The following HELQ variants were observed in gnomAD, a reference collection of about 807,000 sequenced individuals.
HELQ encodes helicase, POLQ like.
HELQ carries 77 observed loss-of-function variants against 111.6 expected under a neutral mutation model. The ratio of observed to expected loss-of-function variants is 0.69; its 90% confidence interval spans 0.57 to 0.83. The LOEUF is 0.83. Among genes scored for constraint, HELQ ranks in the 40% least tolerant of loss-of-function variants. The probability of loss-of-function intolerance (pLI) is 0.00; values close to 1 mark genes in which losing one functional copy is unlikely to be tolerated. For synonymous variants in HELQ, 438 were observed against 454.7 expected (o/e 0.96, Z 0.47); for missense variants, 1,200 against 1,288.5 (o/e 0.93, Z 1.05).
chr4:83,437,661 C>A lies in HELQ; in HGVS notation c.1809-564G>T, dbSNP rs139615947. Among the ~76,000 whole-genome samples the A allele has an allele frequency of 2.4e-3, 361 of 147,528 alleles. 3 individuals carry two copies. The highest frequency in any genetic ancestry group is 0.012 in the South Asian group (55 of 4,576). ...CTATTTACATAAATACAACACTTTA[C>A]ATATAATTTCAGAGGGTTCGTGGAT... On this transcript the variant is annotated intron_variant, in intron 8 of 17. Transcript: ENST00000295488.
In HELQ at chr4:83,418,203, G is replaced by A; in HGVS notation, c.2953C>T (p.Leu985Phe). 2 of 1,552,728 alleles carry A rather than the reference G, an allele frequency of 1.3e-6. No individual in the cohort carries two copies. Among genetic ancestry groups the A allele is most frequent in the Non-Finnish European group, 1.8e-6 (2 of 1,137,114 alleles). Residue 985 changes from leucine to phenylalanine, a missense_variant, in exon 16 of 18, where the codon CTT becomes TTT. Coordinates refer to ENST00000295488, the MANE Select transcript of HELQ (RefSeq NM_133636.5). ...SSCVLHFCEE[L>F]EEFWVYRALL... ...GCTCTGTAAACCCAAAACTCCTCAA[G>A]CTCCTGTAGAACACAAAGAAATATA...
intron 5 of HELQ, among the ~76,000 whole-genome samples, chr4:83,445,593 TTA>T (rs1450647807): frequency 6.6e-6 from 1 of 152,094 alleles, no homozygotes; most frequent in Non-Finnish European, 1.5e-5. Context: ...ATTATAATAT[TTA>T]TGTTATATGT....
Position 83,425,983 on chromosome 4 carries a change from G to A in HELQ, c.2775+11C>T, listed in dbSNP as rs1553927996. The A allele has an allele frequency of 1.4e-6, 2 of 1,475,660 alleles. No homozygotes were observed. Among genetic ancestry groups the A allele is most frequent in the Admixed American group, 3.6e-5 (2 of 55,732 alleles). 91.4% of individuals were successfully genotyped at this position (1,475,660 alleles called of 1,614,324 possible). On this transcript the variant is annotated intron_variant, in intron 14 of 17. Coordinates refer to ENST00000295488, the MANE Select transcript of HELQ (RefSeq NM_133636.5). The stretch of plus-strand genomic sequence containing the variant: ...AACTTATTATTTAGGAAGAAAAAAA[G>A]AATGTGGTACCTTTCCGATGGCTTG...
At chr4:83,416,650 TG>T (rs1166082076) in intron 17 of HELQ, 80 bp downstream of exon 17, 7 of 1,341,378 alleles carry the variant, frequency 5.2e-6, no homozygotes, top group Admixed American at 2.1e-5. Flanking sequence ...CAATGTGAAA[TG>T]TTTTTGTTCT....
chr4:83,426,126 CA>C, intron 13 of HELQ, 34 bp from the exon 14 acceptor site: 4 of 1,131,370 alleles, frequency 3.5e-6, no homozygotes, highest in Non-Finnish European at 5.3e-6. Flanking sequence ...ATGGAAACAT[CA>C]AAAAATCTGT....
Position 83,448,938 on chromosome 4 carries a change from A to C in HELQ, c.1036T>G (p.Leu346Val). The change falls in exon 3 of 18, where the codon TTG (leucine) becomes GTG (valine). Residue 346 changes from leucine to valine, a missense_variant. Transcript: ENST00000295488. ...TTTTTTCTTTCTTGCACAGAATTCA[A>C]TGTTAAACAAGTATGTTGCCATTCT... ...LYEWQHTCLT[L>V]NSVQERKNLI... The C allele has an allele frequency of 6.2e-7, 1 of 1,604,738 alleles. No individual in the cohort carries two copies. The highest frequency in any genetic ancestry group is 8.5e-7 in the Non-Finnish European group (1 of 1,173,868).
At chr4:83,455,883 T>C, upstream of HELQ, 2 of 769,816 alleles carry the variant, frequency 2.6e-6, no homozygotes, top group Non-Finnish European at 4.3e-6. Flanking sequence ...AAGCCTCACG[T>C]GACCTGCCGC....
intron 15 of HELQ, among the ~76,000 whole-genome samples, chr4:83,420,262 A>G (rs1321669485): frequency 2.0e-5 from 3 of 152,238 alleles, no homozygotes; most frequent in Non-Finnish European, 4.4e-5. Flanking sequence ...AAATTGTTCT[A>G]TAAAATACAC....
chr4:83,431,706 G>A lies in HELQ; in HGVS notation c.2253C>T (p.Thr751=), dbSNP rs772197686. 7 of 1,562,728 alleles carry A rather than the reference G, an allele frequency of 4.5e-6. No homozygotes were observed. The highest frequency in any genetic ancestry group is 6.1e-6 in the Non-Finnish European group (7 of 1,153,316). The change falls in exon 11 of 18, where the codon ACC becomes ACT. Residue 751 remains threonine, a synonymous_variant. Transcript: ENST00000295488. ...NCYSHLVQEF[T]KGIQTLFLSL... ...AGAGAAATAATGTTTGGATTCCCTTGGTGAATTCCTGAACAAGATGGCTGT... is the reference window on the plus strand; with the variant it reads ...AGAGAAATAATGTTTGGATTCCCTTAGTGAATTCCTGAACAAGATGGCTGT...
At chr4:83,427,443 C>T (rs778913755) in intron 13 of HELQ, 120 bp downstream of exon 13, 84 of 708,698 alleles carry the variant, frequency 1.2e-4, no homozygotes, top group Non-Finnish European at 1.7e-4. Flanking sequence ...CTGCTTGAGC[C>T]TAGGAGTTTG....
chr4:83,453,588 T>C lies in HELQ; in HGVS notation c.655A>G (p.Lys219Glu). ...GAGGATGACTTCCAATCCCTTTCTT[T>C]CATAGAATGATCACCCAAATCATTT... is the stretch of plus-strand genomic sequence containing the variant. ...SSNDLGDHSM[K>E]ERDWKSSSHN... is the part of the protein sequence containing the mutation. The change falls in exon 2 of 18, where the codon AAA becomes GAA. Residue 219 changes from lysine to glutamate, a missense_variant. Around this residue, in one of 3 missense-constraint regions of HELQ, gnomAD observed 610 missense variants for 607.1 expected, o/e 1.00. Transcript: ENST00000295488. 1 of 1,612,730 alleles carries C rather than the reference T, an allele frequency of 6.2e-7. No homozygotes were observed. The highest frequency in any genetic ancestry group is 8.5e-7 in the Non-Finnish European group (1 of 1,178,884).
chr4:83,413,411 T>TAACAAACACA (rs1560538634), intron 17 of HELQ, among the ~76,000 whole-genome samples: 24 of 152,286 alleles, frequency 1.6e-4, no homozygotes, highest in Admixed American at 9.8e-4. Context: ...TGTTGAGTGT[T>TAACAAACACA]GAGTGGGGGA....
chr4:83,413,810 C>T (rs1739226585), intron 17 of HELQ, among the ~76,000 whole-genome samples: 1 of 152,208 alleles, frequency 6.6e-6, no homozygotes, highest in Non-Finnish European at 1.5e-5. Flanking sequence ...TATGTAGTTG[C>T]TCCAGTCAAA....
At chr4:83,436,543 A>G (rs1449164599) in intron 9 of HELQ, among the ~76,000 whole-genome samples, 1 of 152,176 alleles carries the variant, frequency 6.6e-6, no homozygotes, top group Non-Finnish European at 1.5e-5. Context: ...CTTTCATATC[A>G]TAAAAAAGGT....
intron 9 of HELQ, 42 bp from the exon 10 acceptor site, chr4:83,432,309 C>T: frequency 2.9e-6 from 4 of 1,402,680 alleles, no homozygotes; most frequent in Non-Finnish European, 2.8e-6. Flanking sequence ...GCAAACAGCA[C>T]CAATTTAAAA....
Position 83,437,661 on chromosome 4 carries a change from C to T in HELQ, c.1809-564G>A, listed in dbSNP as rs139615947. On this transcript the variant is annotated intron_variant, in intron 8 of 17. Coordinates refer to ENST00000295488, the MANE Select transcript of HELQ (RefSeq NM_133636.5). ...CTATTTACATAAATACAACACTTTA[C>T]ATATAATTTCAGAGGGTTCGTGGAT... is the stretch of plus-strand genomic sequence containing the variant. 4.1e-5 allele frequency among the ~76,000 whole-genome samples: 6 copies of T among 147,530 alleles called. No individual in the cohort carries two copies. In the East Asian group the frequency reaches 1.0e-3, roughly 25 times the overall value.
chr4:83,416,683 TAACAC>T, intron 17 of HELQ, 43 bp downstream of exon 17: 1 of 1,582,366 alleles, frequency 6.3e-7, no homozygotes, highest in Non-Finnish European at 8.6e-7. Flanking sequence ...TACAAGGAAA[TAACAC>T]TACGCAAGAT....
At chr4:83,409,721 C>T (rs756768714) in intron 17 of HELQ, among the ~76,000 whole-genome samples, 1 of 151,932 alleles carries the variant, frequency 6.6e-6, no homozygotes, top group African/African-American at 2.4e-5. Context: ...AGTAGAAATG[C>T]TCTCTAAATA....
At chr4:83,440,950 G>T (rs1277023306) in intron 7 of HELQ, among the ~76,000 whole-genome samples, 1 of 152,154 alleles carries the variant, frequency 6.6e-6, no homozygotes, top group Admixed American at 6.5e-5. Flanking sequence ...AACCACAACA[G>T]CTCACTAATG....
Sources: allele counts gnomAD v4.1 joint callset (sites outside exome capture counted in the v4.1 genomes callset), GRCh38; gene constraint gnomAD v4.1.1; regional missense constraint gnomAD v4.1.1; transcripts MANE v1.5; gene names NCBI Gene and HGNC (gene_info 2026-07-23, HGNC 2026-07-21).